DIAPH3: variants seen among roughly 807,000 people sequenced by gnomAD.
The protein encoded by DIAPH3 is protein diaphanous homolog 3.
Under a neutral mutation model 144.3 loss-of-function variants are expected in DIAPH3, and 117 were observed. The ratio of observed to expected loss-of-function variants is 0.81; its 90% CI spans 0.70 to 0.95. DIAPH3 has a LOEUF of 0.95. DIAPH3 is among the 40% of genes least tolerant of loss of function. The pLI is 0.00. For synonymous variants in DIAPH3, 519 were observed against 488.9 expected (o/e 1.06, Z -0.81); for missense variants, 1,421 against 1,412.7 (o/e 1.01, Z -0.09).
chr13:60,042,294 C>A (rs971891367), intron 5 of DIAPH3, among the ~76,000 whole-genome samples: 4 of 152,094 alleles, frequency 2.6e-5, no homozygotes, highest in Admixed American at 2.6e-4. Flanking sequence ...CCTACAACGA[C>A]ATCATTTCCA....
At chr13:60,104,866 C>A (rs888092171) in intron 3 of DIAPH3, among the ~76,000 whole-genome samples, 1 of 151,912 alleles carries the variant, frequency 6.6e-6, no homozygotes, top group Non-Finnish European at 1.5e-5. Context: ...CCGAGGCAGG[C>A]GGTTCGTTCA....
chr13:59,718,089 C>T (rs1001862317), intron 27 of DIAPH3, among the ~76,000 whole-genome samples: 3 of 152,136 alleles, frequency 2.0e-5, no homozygotes, highest in African/African-American at 7.2e-5. Flanking sequence ...AGACTTATCA[C>T]AACCTCTCAT....
intron 27 of DIAPH3, among the ~76,000 whole-genome samples, chr13:59,757,304 A>G (rs2037328731): frequency 6.7e-6 from 1 of 149,566 alleles, no homozygotes; most frequent in African/African-American, 2.5e-5. Context: ...ATTATCCTGA[A>G]GAAACAGTGC....
chr13:60,065,253 TAA>T (rs11344639), intron 4 of DIAPH3, among the ~76,000 whole-genome samples: 8,819 of 88,302 alleles, frequency 0.1, 542 homozygotes, highest in African/African-American at 0.26. Context: ...TTTAATTTAT[TAA>T]AAAAAAAAAA....
At chr13:60,097,380 G>A (rs2058136526) in intron 3 of DIAPH3, among the ~76,000 whole-genome samples, 1 of 152,196 alleles carries the variant, frequency 6.6e-6, no homozygotes, top group Middle Eastern at 3.4e-3. Flanking sequence ...AGAGCAGGCT[G>A]TTTATAAGAG....
chr13:60,081,438 T>C (rs1255291445), intron 4 of DIAPH3, among the ~76,000 whole-genome samples: 1 of 151,970 alleles, frequency 6.6e-6, no homozygotes, highest in Non-Finnish European at 1.5e-5. Context: ...CTAATAACCC[T>C]GAATTGTTTT....
At chr13:59,920,493 A>G (rs1566518233) in intron 18 of DIAPH3, among the ~76,000 whole-genome samples, 1 of 151,500 alleles carries the variant, frequency 6.6e-6, no homozygotes, top group African/African-American at 2.4e-5. Flanking sequence ...AAAAGGATGT[A>G]ACACTTGTAA....
intron 27 of DIAPH3, among the ~76,000 whole-genome samples, chr13:59,770,577 A>G (rs1362186929): frequency 6.6e-6 from 1 of 152,140 alleles, no homozygotes; most frequent in East Asian, 1.9e-4. Flanking sequence ...GAAAAATTGC[A>G]TACATGCTAC....
chr13:59,847,462 G>A (rs2042709283), intron 22 of DIAPH3, among the ~76,000 whole-genome samples: 1 of 152,118 alleles, frequency 6.6e-6, no homozygotes, highest in African/African-American at 2.4e-5. Flanking sequence ...TACAAAGAGG[G>A]TATTAAAGGC....
At chr13:59,852,608 T>C (rs1434007131) in intron 22 of DIAPH3, among the ~76,000 whole-genome samples, 1 of 152,216 alleles carries the variant, frequency 6.6e-6, no homozygotes, top group Admixed American at 6.5e-5. Flanking sequence ...TATGTTAGTA[T>C]GTCCAACTCG....
intron 27 of DIAPH3, among the ~76,000 whole-genome samples, chr13:59,705,742 T>C (rs1024512158): frequency 3.3e-5 from 5 of 152,144 alleles, no homozygotes; most frequent in African/African-American, 1.2e-4. Context: ...TGAAAGAATA[T>C]AGGGATCAAC....
At position 59,719,047 on chromosome 13, in the gene DIAPH3, T is replaced by TA. The variant is rs558985995; in HGVS notation, c.3320-52202dup. On this transcript the variant is annotated intron_variant, in intron 27 of 27. Coordinates refer to ENST00000400324, the MANE Select transcript of DIAPH3 (RefSeq NM_001042517.2). ...GATTTAGCTCATGGTATGCCTCTGA[T>TA]AAGGAACTGCATTTTTCTAAATAGC... 5.2e-4 allele frequency among the ~76,000 whole-genome samples: 79 copies of TA among 152,304 alleles called. 3 individuals carry two copies. In the South Asian group the frequency reaches 0.016, roughly 32 times the overall value.
chr13:59,956,720 T>C (rs1039524762), intron 17 of DIAPH3, among the ~76,000 whole-genome samples: 1 of 152,148 alleles, frequency 6.6e-6, no homozygotes. Context: ...ACTGACAGCT[T>C]GCACCATGCA....
At chr13:59,743,902 C>T (rs193116322) in intron 27 of DIAPH3, among the ~76,000 whole-genome samples, 1 of 152,286 alleles carries the variant, frequency 6.6e-6, no homozygotes, top group Non-Finnish European at 1.5e-5. Flanking sequence ...AAAAAGTCTA[C>T]ACCCCACAGG....
chr13:60,092,587 C>A (rs2057981645), intron 4 of DIAPH3, among the ~76,000 whole-genome samples: 1 of 151,940 alleles, frequency 6.6e-6, no homozygotes, highest in South Asian at 2.1e-4. Flanking sequence ...GGAGGCGGAG[C>A]TTGCAGTGAG....
At chr13:59,996,209 C>G (rs73212291) in intron 9 of DIAPH3, among the ~76,000 whole-genome samples, 10,651 of 152,022 alleles carry the variant, frequency 0.07, 414 homozygotes, top group Admixed American at 0.11. Context: ...CTTGCCTCCC[C>G]ACAGATGCCA....
intron 17 of DIAPH3, among the ~76,000 whole-genome samples, chr13:59,948,844 G>C (rs764197590): frequency 5.0e-5 from 1 of 20,136 alleles, no homozygotes; most frequent in Non-Finnish European, 1.0e-4. Context: ...AAAGAAAGAA[G>C]GAAGGAAGGA....
At position 59,991,474 on chromosome 13, in the gene DIAPH3, C is replaced by T. The variant is rs141926558; in HGVS notation, c.1245-200G>A. On this transcript the variant is annotated intron_variant, in intron 11 of 27. Transcript: ENST00000400324. ...CTTAACCTGACACTTCCTGACTTCC[C>T]TTCTACAATCAGTTCCAACTAATCT... 2.1e-4 allele frequency among the ~76,000 whole-genome samples: 32 copies of T among 152,052 alleles called. No homozygotes were observed. In the East Asian group the frequency reaches 5.6e-3, roughly 27 times the overall value.
intron 27 of DIAPH3, among the ~76,000 whole-genome samples, chr13:59,743,417 A>C (rs1422359747): frequency 6.6e-6 from 1 of 152,102 alleles, no homozygotes; most frequent in Non-Finnish European, 1.5e-5. Context: ...AGTTTCCAAC[A>C]TGGGGGAGCA....
Sources: allele counts gnomAD v4.1 joint callset (sites outside exome capture counted in the v4.1 genomes callset), GRCh38; gene constraint gnomAD v4.1.1; transcripts MANE v1.5; gene names NCBI Gene and HGNC (gene_info 2026-07-23, HGNC 2026-07-21).